UTP18: variants seen among roughly 807,000 people sequenced by gnomAD.
UTP18 encodes the protein UTP18 small subunit processome component.
Under a neutral mutation model 61.1 loss-of-function variants are expected in UTP18, and 36 were observed. The ratio of observed to expected loss-of-function variants is 0.59; its 90% CI spans 0.45 to 0.78. The LOEUF (loss-of-function observed/expected upper bound fraction) is 0.78. UTP18 is among the 30% of genes least tolerant of loss of function. The probability of loss-of-function intolerance (pLI) is 0.00; values close to 1 mark genes in which losing one functional copy is unlikely to be tolerated. For synonymous variants in UTP18, 282 were observed against 251.1 expected, an observed-to-expected ratio of 1.12 and a Z score of -1.16; for missense variants, 753 against 693.9, an observed-to-expected ratio of 1.09 and a Z score of -0.96.
rs184023650 is a variant in UTP18, at chr17:51,276,100, A to G, written c.837+109A>G. On this transcript the variant is annotated intron_variant, in intron 6 of 13. Coordinates refer to ENST00000225298, the MANE Select transcript of UTP18 (RefSeq NM_016001.3). ...ACTGAAAAAGATATTCATAGCTAAA[A>G]CATCATAGCCCGAAGCATAGCTAAG... The G allele has an allele frequency of 2.6e-6, 3 of 1,134,830 alleles. No homozygotes were observed. The African/African-American group carries it at 4.9e-5, about 18-fold the overall frequency. 70.3% of individuals were successfully genotyped at this position (1,134,830 alleles called of 1,614,324 possible).
intron 4 of UTP18, among the ~76,000 whole-genome samples, chr17:51,270,143 C>CT (rs1904477573): frequency 6.6e-6 from 1 of 152,120 alleles, no homozygotes; most frequent in Non-Finnish European, 1.5e-5. Context: ...AAATAATGTA[C>CT]TTTTTACTAA....
At chr17:51,281,676 A>G (rs1465217095) in intron 9 of UTP18, among the ~76,000 whole-genome samples, 3 of 152,132 alleles carry the variant, frequency 2.0e-5, no homozygotes, top group South Asian at 2.1e-4. Context: ...CAGTGTCACT[A>G]TCCTGGTTGT....
intron 12 of UTP18, among the ~76,000 whole-genome samples, chr17:51,295,298 G>T (rs1905338667): frequency 6.6e-6 from 1 of 152,082 alleles, no homozygotes; most frequent in Non-Finnish European, 1.5e-5. Flanking sequence ...GAATGGTATT[G>T]CCTAGGTTTT....
intron 9 of UTP18, among the ~76,000 whole-genome samples, chr17:51,283,690 T>C (rs1905024854): frequency 6.6e-6 from 1 of 150,758 alleles, no homozygotes; most frequent in Non-Finnish European, 1.5e-5. Context: ...CTTGGCTCAC[T>C]ACATCCTCTG....
chr17:51,285,856 C>T (rs1343101955), intron 10 of UTP18, among the ~76,000 whole-genome samples: 1 of 152,158 alleles, frequency 6.6e-6, no homozygotes. Context: ...TACGCCCTGC[C>T]AGATAAGAAG....
intron 11 of UTP18, among the ~76,000 whole-genome samples, chr17:51,291,603 C>T (rs1833862735): frequency 6.6e-6 from 1 of 151,962 alleles, no homozygotes; most frequent in Non-Finnish European, 1.5e-5. Context: ...GGCGTGGTAG[C>T]CCACACCTGT....
intron 9 of UTP18, among the ~76,000 whole-genome samples, chr17:51,284,962 G>A (rs999386981): frequency 6.6e-6 from 1 of 151,960 alleles, no homozygotes; most frequent in Non-Finnish European, 1.5e-5. Flanking sequence ...TCGGGAGGCT[G>A]AGGCAGGAAA....
At chr17:51,297,377 C>T (rs1455520661) in intron 13 of UTP18, among the ~76,000 whole-genome samples, 2 of 152,170 alleles carry the variant, frequency 1.3e-5, no homozygotes, top group African/African-American at 2.4e-5. Flanking sequence ...ATATATGTTT[C>T]TTGAGAGATT....
intron 2 of UTP18, among the ~76,000 whole-genome samples, chr17:51,264,288 C>T (rs966578376): frequency 6.6e-6 from 1 of 152,100 alleles, no homozygotes; most frequent in Non-Finnish European, 1.5e-5. Flanking sequence ...CTCAAGTATA[C>T]ACCCGTCTCT....
At chr17:51,281,662 G>A (rs1049483277) in intron 9 of UTP18, among the ~76,000 whole-genome samples, 4 of 152,134 alleles carry the variant, frequency 2.6e-5, no homozygotes, top group Admixed American at 2.6e-4. Flanking sequence ...TGTCTTGACT[G>A]TATCAGTGTC....
intron 11 of UTP18, 97 bp downstream of exon 11, chr17:51,288,300 A>G (rs1346333515): frequency 1.6e-6 from 2 of 1,218,122 alleles, no homozygotes; most frequent in Non-Finnish European, 2.2e-6. Context: ...ATTATTTTTA[A>G]AACAGTGGCT....
chr17:51,280,519 AT>A (rs751070945), intron 9 of UTP18, 40 bp downstream of exon 9: 1 of 1,604,890 alleles, frequency 6.2e-7, no homozygotes, highest in South Asian at 1.1e-5. Flanking sequence ...ATATTTTTAC[AT>A]TTTAAATTTT....
chr17:51,285,924 T>C (rs9893889), intron 10 of UTP18, among the ~76,000 whole-genome samples: 15,637 of 152,190 alleles, frequency 0.1, 1,470 homozygotes, highest in African/African-American at 0.25. Context: ...GGCGCTACCT[T>C]ATATCATTGT....
chr17:51,284,717 A>G (rs1905048797), intron 9 of UTP18, among the ~76,000 whole-genome samples: 1 of 152,160 alleles, frequency 6.6e-6, no homozygotes, highest in African/African-American at 2.4e-5. Context: ...GGTACTGTCT[A>G]TTAATGACTA....
At chr17:51,275,597 G>T (rs1904691938) in intron 5 of UTP18, among the ~76,000 whole-genome samples, 1 of 152,198 alleles carries the variant, frequency 6.6e-6, no homozygotes, top group Non-Finnish European at 1.5e-5. Context: ...AATACATTCA[G>T]ACTTCTAGAT....
chr17:51,276,995 G>C, intron 6 of UTP18, 135 bp from the exon 7 acceptor site: 3 of 833,968 alleles, frequency 3.6e-6, no homozygotes. Context: ...TAAATCACTG[G>C]CCGTGGCTGC....
intron 12 of UTP18, chr17:51,296,631 C>T (rs563415398): frequency 9.8e-6 from 2 of 204,924 alleles, no homozygotes; most frequent in Non-Finnish European, 1.9e-5. Flanking sequence ...TTAGATTTTC[C>T]ACCAGAGCAT....
intron 11 of UTP18, among the ~76,000 whole-genome samples, chr17:51,289,613 C>T (rs1018016918): frequency 6.6e-6 from 1 of 152,146 alleles, no homozygotes; most frequent in Non-Finnish European, 1.5e-5. Flanking sequence ...TCCTAATCTT[C>T]AGGCAGAGCC....
chr17:51,297,674 G>A (rs1164263678), intron 13 of UTP18, 108 bp from the exon 14 acceptor site: 2 of 407,956 alleles, frequency 4.9e-6, no homozygotes, highest in Non-Finnish European at 9.4e-6. Context: ...AGCAAGGAGG[G>A]GAAAGCAGTT....
Sources: allele counts gnomAD v4.1 joint callset (sites outside exome capture counted in the v4.1 genomes callset), GRCh38; gene constraint gnomAD v4.1.1; transcripts MANE v1.5; gene names NCBI Gene and HGNC (gene_info 2026-07-23, HGNC 2026-07-21).